Variants in ZFAT observed in about 807,000 individuals in gnomAD.
ZFAT encodes the protein zinc finger and AT-hook domain containing.
ZFAT carries 64 observed loss-of-function variants against 117.7 expected under a neutral mutation model. The ratio of observed to expected loss-of-function variants is 0.54; its 90% CI spans 0.44 to 0.67. ZFAT has a LOEUF of 0.67. ZFAT is among the 30% of genes least tolerant of loss of function. ZFAT has a pLI of 0.00. For synonymous variants in ZFAT, 679 were observed against 615.0 expected, an observed-to-expected ratio of 1.10 and a Z score of -1.54; for missense variants, 1,433 against 1,584.5, an observed-to-expected ratio of 0.90 and a Z score of 1.62.
At chr8:134,739,159 TG>T in the ZFAT span, among the ~76,000 whole-genome samples, 2 of 152,238 alleles carry the variant, frequency 1.3e-5, no homozygotes, top group Non-Finnish European at 2.9e-5. Flanking sequence ...AGACCCCAGC[TG>T]GGTTTGCAAC....
At chr8:134,653,927 C>G (rs1302274464) in intron 2 of ZFAT, among the ~76,000 whole-genome samples, 1 of 152,090 alleles carries the variant, frequency 6.6e-6, no homozygotes, top group Non-Finnish European at 1.5e-5. Context: ...TTGTTAGCAC[C>G]ATTATTTCTA....
At position 134,566,367 on chromosome 8, in the gene ZFAT, C is replaced by T. The variant is rs1254929054; in HGVS notation, c.2888-946G>A. On this transcript the variant is annotated intron_variant, in intron 10 of 15. Coordinates refer to ENST00000377838, the MANE Select transcript of ZFAT (RefSeq NM_020863.4). Reference sequence around the variant, plus strand: ...CGAGATAGCGCTACTGCACCCCAGCCTGGGCGACAGAGCAAGACTCCAACT... The same window carrying T: ...CGAGATAGCGCTACTGCACCCCAGCTTGGGCGACAGAGCAAGACTCCAACT... 3.4e-5 allele frequency among the ~76,000 whole-genome samples: 4 copies of T among 117,986 alleles called. No individual in the cohort carries two copies. The East Asian group carries it at 1.1e-3, about 32-fold the overall frequency. 77.4% of individuals were successfully genotyped at this position (117,986 alleles called of 152,430 possible). A position where few individuals can be genotyped will look rare whatever the true frequency, so the allele number is the denominator to read the frequency against.
the ZFAT span, among the ~76,000 whole-genome samples, chr8:134,806,971 G>A: frequency 6.6e-6 from 1 of 152,116 alleles, no homozygotes; most frequent in Admixed American, 6.6e-5. Context: ...TTCCATCTTT[G>A]TCAAAAACAT....
chr8:134,704,244 C>T (rs1157541225), intron 1 of ZFAT, among the ~76,000 whole-genome samples: 1 of 152,182 alleles, frequency 6.6e-6, no homozygotes, highest in African/African-American at 2.4e-5. Context: ...GCCCCTTGCA[C>T]CAACTCAGAA....
chr8:134,793,225 A>T, the ZFAT span: 1 of 152,220 alleles, frequency 6.6e-6, no homozygotes, highest in South Asian at 2.1e-4. Context: ...ACAATCTAAG[A>T]AGGGAAGTGG....
chr8:134,707,745 G>A (rs1379148729), intron 1 of ZFAT, among the ~76,000 whole-genome samples: 3 of 152,166 alleles, frequency 2.0e-5, no homozygotes, highest in African/African-American at 7.2e-5. Flanking sequence ...CTAAGGCCAG[G>A]TCCCTACCCC....
At chr8:134,695,658 C>T (rs1833795068) in intron 1 of ZFAT, among the ~76,000 whole-genome samples, 1 of 148,604 alleles carries the variant, frequency 6.7e-6, no homozygotes. Flanking sequence ...AAGCCTGGGT[C>T]ATCTCTAACA....
intron 15 of ZFAT, among the ~76,000 whole-genome samples, chr8:134,507,720 G>T (rs1352259259): frequency 6.6e-6 from 1 of 152,102 alleles, no homozygotes; most frequent in African/African-American, 2.4e-5. Flanking sequence ...TGCCTGCGAG[G>T]CTCAATAAAT....
At chr8:134,688,276 A>C (rs1249139418) in intron 1 of ZFAT, among the ~76,000 whole-genome samples, 2 of 152,332 alleles carry the variant, frequency 1.3e-5, no homozygotes, top group East Asian at 3.9e-4. Flanking sequence ...CCTTTAACAC[A>C]CATCTATACA....
the ZFAT span, among the ~76,000 whole-genome samples, chr8:134,729,507 G>T: frequency 4.6e-5 from 7 of 152,140 alleles, no homozygotes; most frequent in South Asian, 1.5e-3. Flanking sequence ...AATTTTTTTT[G>T]TATTTTTAGT....
chr8:134,783,512 C>T, the ZFAT span, among the ~76,000 whole-genome samples: 58 of 152,170 alleles, frequency 3.8e-4, no homozygotes, highest in Non-Finnish European at 7.3e-4. Flanking sequence ...TCCACAAAAC[C>T]GGTTCCTGGT....
At chr8:134,494,165 C>T (rs1818258631) in intron 15 of ZFAT, among the ~76,000 whole-genome samples, 1 of 152,200 alleles carries the variant, frequency 6.6e-6, no homozygotes, top group Non-Finnish European at 1.5e-5. Flanking sequence ...CCTCCACACC[C>T]CTGCCTGGTG....
intron 4 of ZFAT, among the ~76,000 whole-genome samples, chr8:134,609,854 TA>T (rs1316079874): frequency 6.6e-6 from 1 of 152,090 alleles, no homozygotes; most frequent in Non-Finnish European, 1.5e-5. Context: ...TGAACCCTTC[TA>T]AAAATACAAA....
intron 12 of ZFAT, among the ~76,000 whole-genome samples, chr8:134,532,080 T>C (rs1441233357): frequency 6.6e-6 from 1 of 152,118 alleles, no homozygotes; most frequent in African/African-American, 2.4e-5. Context: ...ATTCACTGTA[T>C]GGTAACAGCA....
intron 3 of ZFAT, among the ~76,000 whole-genome samples, chr8:134,635,232 C>T (rs1474439636): frequency 1.3e-5 from 2 of 152,188 alleles, no homozygotes; most frequent in Non-Finnish European, 2.9e-5. Context: ...AGCTGAACTT[C>T]TGGGCCTCCA....
At chr8:134,541,821 C>T (rs1822279972) in intron 11 of ZFAT, among the ~76,000 whole-genome samples, 1 of 152,230 alleles carries the variant, frequency 6.6e-6, no homozygotes, top group African/African-American at 2.4e-5. Context: ...CCAAAAAGAT[C>T]TCTTATCTTT....
chr8:134,818,487 G>T, the ZFAT span, among the ~76,000 whole-genome samples: 117 of 152,296 alleles, frequency 7.7e-4, no homozygotes, highest in African/African-American at 2.8e-3. Context: ...ATGCTGGTGG[G>T]AATGTAAAAT....
At chr8:134,584,384 C>T (rs1054695310) in intron 9 of ZFAT, among the ~76,000 whole-genome samples, 2 of 152,192 alleles carry the variant, frequency 1.3e-5, no homozygotes, top group African/African-American at 4.8e-5. Flanking sequence ...TGCCCTCTCC[C>T]CACAGTCTGG....
At chr8:134,699,962 A>G (rs1833967087) in intron 1 of ZFAT, among the ~76,000 whole-genome samples, 2 of 152,234 alleles carry the variant, frequency 1.3e-5, no homozygotes, top group East Asian at 1.9e-4. Context: ...GGCCAAGGAC[A>G]GCTGCAAGTC....
Sources: gnomAD v4.1 joint callset for allele counts (sites outside exome capture counted in the v4.1 genomes callset) on GRCh38, gnomAD v4.1.1 for gene constraint, MANE v1.5 for transcripts, NCBI Gene and HGNC (gene_info 2026-07-23, HGNC 2026-07-21) for gene names.